IPP: variants seen among roughly 807,000 people sequenced by gnomAD.
IPP encodes intracisternal A particle-promoted polypeptide.
In IPP, 41 loss-of-function variants were observed where a neutral mutation model predicts 64.1. The ratio of observed to expected loss-of-function variants is 0.64; its 90% CI spans 0.50 to 0.83. The LOEUF (loss-of-function observed/expected upper bound fraction) is 0.83, where lower values mean the gene tolerates loss of function less well. Among genes scored for constraint, IPP ranks in the 40% least tolerant of loss-of-function variants. The pLI is 0.00. For missense variants in IPP, 649 were observed against 703.0 expected, an observed-to-expected ratio of 0.92 and a Z score of 0.87; for synonymous variants, 214 against 235.2, an observed-to-expected ratio of 0.91 and a Z score of 0.83.
chr1:45,723,429 T>C (rs1317649933), intron 5 of IPP, among the ~76,000 whole-genome samples: 2 of 152,214 alleles, frequency 1.3e-5, no homozygotes, highest in Non-Finnish European at 2.9e-5. Context: ...AGCACTTCTG[T>C]GGTATCAGGG....
chr1:45,714,371 G>A lies in IPP; in HGVS notation c.1405C>T (p.Pro469Ser). 6.2e-7 allele frequency: 1 copy of A among 1,613,842 alleles called. No homozygotes were observed. The highest frequency in any genetic ancestry group is 1.3e-5 in the African/African-American group (1 of 75,056). Residue 469 changes from proline to serine, a missense_variant, in exon 8 of 9, where the codon CCT becomes TCT. Physicochemically the swap from Pro to Ser is moderately conservative, Grantham distance 74. Transcript: ENST00000396478. Reference sequence around the variant, plus strand: ...TATGCTCTCCTGGTTCCCATTGGAGGAAGTGGAGACCAACGCTTAGAAAGT... The same window carrying A: ...TATGCTCTCCTGGTTCCCATTGGAGAAAGTGGAGACCAACGCTTAGAAAGT... ...DPLSKRWSPL[P>S]PMGTRRAYLG...
chr1:45,723,576 T>C (rs759391048), intron 5 of IPP, among the ~76,000 whole-genome samples: 16 of 152,246 alleles, frequency 1.1e-4, no homozygotes, highest in Non-Finnish European at 1.9e-4. Flanking sequence ...TCAAAGACTA[T>C]ACAGAATTGT....
At chr1:45,705,828 CAA>C (rs1381290363) in intron 8 of IPP, among the ~76,000 whole-genome samples, 1 of 144,352 alleles carries the variant, frequency 6.9e-6, no homozygotes, top group African/African-American at 2.5e-5. Context: ...AACAAACAAA[CAA>C]AAAACCTCTC....
chr1:45,733,605 A>T (rs1433676990), intron 3 of IPP, among the ~76,000 whole-genome samples: 2 of 151,622 alleles, frequency 1.3e-5, no homozygotes, highest in Non-Finnish European at 2.9e-5. Context: ...GCCGAGGCAG[A>T]CGGATCACCT....
intron 2 of IPP, among the ~76,000 whole-genome samples, chr1:45,742,755 C>T (rs184273635): frequency 1.9e-4 from 29 of 151,964 alleles, no homozygotes; most frequent in African/African-American, 4.6e-4. Flanking sequence ...CCAGGCTGAT[C>T]TCAAACTCCT....
chr1:45,738,225 T>G (rs1049605423), intron 3 of IPP, among the ~76,000 whole-genome samples: 2 of 152,194 alleles, frequency 1.3e-5, no homozygotes, highest in African/African-American at 4.8e-5. Flanking sequence ...ATGTACTTTC[T>G]GGGTGAGGTC....
intron 3 of IPP, among the ~76,000 whole-genome samples, chr1:45,739,995 G>A (rs1004056369): frequency 6.6e-6 from 1 of 152,084 alleles, no homozygotes; most frequent in Non-Finnish European, 1.5e-5. Context: ...GTGTCCCTGG[G>A]TACTTGAGAT....
chr1:45,719,054 A>G (rs2148560560), intron 6 of IPP, 149 bp downstream of exon 6: 1 of 668,496 alleles, frequency 1.5e-6, no homozygotes, highest in Admixed American at 2.8e-5. Context: ...GGAGATGGAT[A>G]TCCCATTTTA....
At chr1:45,733,006 T>G (rs998430901) in intron 3 of IPP, among the ~76,000 whole-genome samples, 5 of 151,966 alleles carry the variant, frequency 3.3e-5, no homozygotes, top group East Asian at 3.9e-4. Context: ...ATAAGAAAAT[T>G]TCCCCAAAAT....
chr1:45,713,331 C>A (rs928255184), intron 8 of IPP, among the ~76,000 whole-genome samples: 4 of 152,020 alleles, frequency 2.6e-5, no homozygotes, highest in Admixed American at 2.6e-4. Context: ...GAGGCTGAGG[C>A]GGGCGGATCA....
chr1:45,715,895 A>G lies in IPP; in HGVS notation c.1309+1000T>C, dbSNP rs146343069. On this transcript the variant is annotated intron_variant, in intron 7 of 8. Transcript: ENST00000396478. ...AGACAATATCATATTAAACAGTAAG[A>G]TATAGTCTGCACTGCATAATTTGCT... is the stretch of plus-strand genomic sequence containing the variant. 5.5e-4 allele frequency among the ~76,000 whole-genome samples: 84 copies of G among 152,308 alleles called. No homozygotes were observed. In the East Asian group the frequency reaches 0.013, roughly 24 times the overall value.
chr1:45,743,736 C>T (rs1226827637), intron 2 of IPP, among the ~76,000 whole-genome samples: 1 of 151,640 alleles, frequency 6.6e-6, no homozygotes, highest in Non-Finnish European at 1.5e-5. Flanking sequence ...AGAGGCTGGG[C>T]ACAGTGGCTC....
intron 6 of IPP, among the ~76,000 whole-genome samples, chr1:45,717,759 C>T (rs1015137873): frequency 4.6e-5 from 7 of 152,090 alleles, no homozygotes; most frequent in African/African-American, 7.2e-5. Context: ...ATGATCCGCC[C>T]GCCTCAGCCT....
chr1:45,725,481 C>T (rs1331134123), intron 5 of IPP, among the ~76,000 whole-genome samples: 25 of 139,780 alleles, frequency 1.8e-4, no homozygotes, highest in African/African-American at 5.3e-4. Context: ...GTCAGCCCCC[C>T]GCCCGGCCAG....
intron 8 of IPP, among the ~76,000 whole-genome samples, chr1:45,713,207 C>T (rs1396728981): frequency 3.3e-5 from 5 of 151,956 alleles, no homozygotes; most frequent in Admixed American, 2.6e-4. Flanking sequence ...GCAGGAGAAT[C>T]GCTTAAGACC....
intron 8 of IPP, among the ~76,000 whole-genome samples, chr1:45,713,555 C>T (rs1002545271): frequency 9.3e-5 from 8 of 86,124 alleles, no homozygotes; most frequent in South Asian, 6.8e-4. Flanking sequence ...AGAAAAACTC[C>T]GTCTCAAAAA....
At position 45,699,393 on chromosome 1, in the gene IPP, T is replaced by G. The variant is rs1645419081; in HGVS notation, c.*573A>C. On this transcript the variant is annotated 3_prime_UTR_variant, in exon 9 of 9. Transcript: ENST00000396478. ...TATAGAGGTCTTTAAACTGTGTCAT[T>G]GACACTATTCCTATATCACATAAAG... The G allele has an allele frequency of 2.0e-6, 2 of 985,172 alleles. No individual in the cohort carries two copies. Among genetic ancestry groups the G allele is most frequent in the African/African-American group, 3.5e-5 (2 of 57,240 alleles). The allele number at this position is 985,172 out of a possible 1,614,324, so 61.0% of individuals were successfully genotyped here.
intron 5 of IPP, among the ~76,000 whole-genome samples, chr1:45,725,080 C>T (rs1645796788): frequency 6.8e-6 from 1 of 146,360 alleles, no homozygotes; most frequent in Admixed American, 6.7e-5. Flanking sequence ...GGTCAGCCCC[C>T]CGCCCGGCCA....
intron 1 of IPP, among the ~76,000 whole-genome samples, chr1:45,749,876 C>T (rs1244429761): frequency 1.3e-5 from 2 of 151,884 alleles, no homozygotes; most frequent in Non-Finnish European, 2.9e-5. Context: ...ACAGCGAGCC[C>T]CCCGCCGCAA....
Sources: allele counts gnomAD v4.1 joint callset (sites outside exome capture counted in the v4.1 genomes callset), GRCh38; gene constraint gnomAD v4.1.1; transcripts MANE v1.5; gene names NCBI Gene and HGNC (gene_info 2026-07-23, HGNC 2026-07-21).